Variants in DDAH1 observed in about 807,000 individuals in gnomAD.
The protein encoded by DDAH1 is dimethylarginine dimethylaminohydrolase 1.
In DDAH1, 19 loss-of-function variants were observed where a neutral mutation model predicts 28.8. The observed-to-expected ratio is 0.66, with a 90% confidence interval of 0.46 to 0.97. The LOEUF (loss-of-function observed/expected upper bound fraction) is 0.97. Ranked by LOEUF, DDAH1 falls within the 50% of genes least tolerant of loss-of-function variation. The probability of loss-of-function intolerance (pLI) is 0.00; values close to 1 mark genes in which losing one functional copy is unlikely to be tolerated. For synonymous variants in DDAH1, 153 were observed against 154.4 expected, an observed-to-expected ratio of 0.99 and a Z score of 0.07; for missense variants, 326 against 375.9, an observed-to-expected ratio of 0.87 and a Z score of 1.10.
intron 1 of DDAH1, among the ~76,000 whole-genome samples, chr1:85,360,762 C>G (rs1304902894): frequency 6.6e-6 from 1 of 152,036 alleles, no homozygotes; most frequent in Non-Finnish European, 1.5e-5. Context: ...TACTATATAC[C>G]AGTTTCAGAA....
At chr1:85,356,399 T>G (rs1273728689) in intron 2 of DDAH1, among the ~76,000 whole-genome samples, 1 of 152,216 alleles carries the variant, frequency 6.6e-6, no homozygotes, top group Admixed American at 6.5e-5. Flanking sequence ...AAAGAGGACA[T>G]AGAGCACATA....
intron 4 of DDAH1, 62 bp from the exon 5 acceptor site, chr1:85,324,945 A>G: frequency 6.3e-7 from 1 of 1,593,460 alleles, no homozygotes. Flanking sequence ...AACAGAAGGA[A>G]GGCAGTGTGG....
At chr1:85,452,279 T>C (rs1041190908) in intron 1 of DDAH1, among the ~76,000 whole-genome samples, 1 of 152,112 alleles carries the variant, frequency 6.6e-6, no homozygotes, top group Non-Finnish European at 1.5e-5. Context: ...TTAAGGTATT[T>C]TTTGGTCTCC....
intron 1 of DDAH1, among the ~76,000 whole-genome samples, chr1:85,496,761 T>C (rs1467532060): frequency 2.0e-5 from 3 of 152,236 alleles, no homozygotes; most frequent in Non-Finnish European, 1.5e-5. Context: ...TTGAGTCATA[T>C]GAAATTGTCT....
At chr1:85,459,626 T>C (rs1265664416) in intron 1 of DDAH1, among the ~76,000 whole-genome samples, 3 of 152,212 alleles carry the variant, frequency 2.0e-5, no homozygotes, top group Non-Finnish European at 4.4e-5. Context: ...TCCATCTTGG[T>C]GTCAGAATAA....
chr1:85,445,421 C>T (rs1654389264), intron 1 of DDAH1, among the ~76,000 whole-genome samples: 1 of 152,068 alleles, frequency 6.6e-6, no homozygotes, highest in Non-Finnish European at 1.5e-5. Context: ...CTAGACAGTG[C>T]CTTAAGATCA....
chr1:85,468,563 A>G (rs1285526554), upstream of DDAH1, among the ~76,000 whole-genome samples: 1 of 141,554 alleles, frequency 7.1e-6, no homozygotes, highest in Non-Finnish European at 1.5e-5. Context: ...TCTGTTGCCC[A>G]GGCTGGAGTG....
chr1:85,569,756 G>A (rs888401289), intron 1 of DDAH1, among the ~76,000 whole-genome samples: 1 of 152,214 alleles, frequency 6.6e-6, no homozygotes, highest in African/African-American at 2.4e-5. Context: ...GCAGAGCAAT[G>A]AAAGTGCAGG....
Position 85,496,165 on chromosome 1 carries a change from C to T in DDAH1, c.-7+1G>A. On this transcript the variant is annotated splice_donor_variant, in intron 2 of 6. Coordinates refer to the DDAH1 transcript ENST00000426972. LOFTEE classifies it low-confidence loss of function (5UTR_SPLICE). Reference sequence around the variant, plus strand: ...AGGAGGACATCTAAAATTTAACTTACCTAATATAAATTTAGAAGGTCTTTC... The same window carrying T: ...AGGAGGACATCTAAAATTTAACTTATCTAATATAAATTTAGAAGGTCTTTC... 1 of 902,970 alleles carries T rather than the reference C, an allele frequency of 1.1e-6. No homozygotes were observed. Among genetic ancestry groups the T allele is most frequent in the Non-Finnish European group, 1.3e-6 (1 of 754,790 alleles). The allele number at this position is 902,970 out of a possible 1,614,324, so 55.9% of individuals were successfully genotyped here.
At chr1:85,404,370 T>C (rs543614269) in intron 1 of DDAH1, 321 of 1,534,900 alleles carry the variant, frequency 2.1e-4, no homozygotes, top group Non-Finnish European at 2.6e-4. Flanking sequence ...CTAAGCTTCA[T>C]TTGTCCTTAC....
chr1:85,550,832 T>A (rs946627714), intron 1 of DDAH1, among the ~76,000 whole-genome samples: 1 of 152,174 alleles, frequency 6.6e-6, no homozygotes, highest in Non-Finnish European at 1.5e-5. Flanking sequence ...AGACGTGTCA[T>A]CTATCTGCTC....
chr1:85,362,030 CTGT>C (rs1373186489), intron 1 of DDAH1, among the ~76,000 whole-genome samples: 3 of 152,126 alleles, frequency 2.0e-5, no homozygotes, highest in Non-Finnish European at 4.4e-5. Context: ...AAGAAAACAA[CTGT>C]TGTTTTTTCT....
chr1:85,481,101 T>TTG lies in DDAH1; in HGVS notation c.-7+15064_-7+15065insCA, dbSNP rs1043214272. On this transcript the variant is annotated intron_variant, in intron 2 of 6. Coordinates refer to the DDAH1 transcript ENST00000426972. ...AAATCATTTCTTTGGGTTTTTTGTT[T>TTG]TTTTTTTTTTTTTTGAGATGGAGTC... Among the ~76,000 whole-genome samples the TTG allele has an allele frequency of 5.7e-5, 8 of 141,078 alleles. No individual in the cohort carries two copies. The South Asian group carries it at 6.7e-4, about 12-fold the overall frequency. The allele number at this position is 141,078 out of a possible 152,430, so 92.6% of individuals were successfully genotyped here. A position where few individuals can be genotyped will look rare whatever the true frequency, so the allele number is the denominator to read the frequency against.
chr1:85,430,216 TG>T (rs1434800793), intron 1 of DDAH1, among the ~76,000 whole-genome samples: 1 of 152,132 alleles, frequency 6.6e-6, no homozygotes, highest in Non-Finnish European at 1.5e-5. Context: ...TGTAGATGTG[TG>T]GTGTTATTTC....
chr1:85,481,965 TACTA>T (rs1435710872), intron 2 of DDAH1, among the ~76,000 whole-genome samples: 1 of 152,246 alleles, frequency 6.6e-6, no homozygotes, highest in Non-Finnish European at 1.5e-5. Context: ...CTGCCACTGT[TACTA>T]ACAGTTAAGG....
chr1:85,455,154 A>G (rs12047139), intron 1 of DDAH1, among the ~76,000 whole-genome samples: 2,571 of 152,340 alleles, frequency 0.017, 70 homozygotes, highest in East Asian at 0.12. Context: ...GAGCTGGAAA[A>G]TATGATTACA....
At chr1:85,460,658 CTTAAG>C (rs1321204721) in intron 1 of DDAH1, among the ~76,000 whole-genome samples, 8 of 152,102 alleles carry the variant, frequency 5.3e-5, no homozygotes, top group Non-Finnish European at 1.2e-4. Context: ...TGCAATTTTG[CTTAAG>C]TTAAGTTTTG....
At chr1:85,501,409 C>T (rs6576769) in intron 1 of DDAH1, among the ~76,000 whole-genome samples, 27,153 of 152,092 alleles carry the variant, frequency 0.18, 2,530 homozygotes, top group African/African-American at 0.22. Flanking sequence ...AATCTCCACC[C>T]AGTTTACAGC....
At chr1:85,495,964 A>T (rs1656582150) in intron 2 of DDAH1, 1 of 152,406 alleles carries the variant, frequency 6.6e-6, no homozygotes, top group East Asian at 1.9e-4. Flanking sequence ...TTTAAAATAC[A>T]ACCACGCTAA....
Sources: allele counts gnomAD v4.1 joint callset (sites outside exome capture counted in the v4.1 genomes callset), GRCh38; gene constraint gnomAD v4.1.1; transcripts MANE v1.5; gene names NCBI Gene and HGNC (gene_info 2026-07-23, HGNC 2026-07-21).